PTP4A3: variants seen among roughly 807,000 people sequenced by gnomAD.
The protein encoded by PTP4A3 is protein tyrosine phosphatase 4A3, also known as protein tyrosine phosphatase type IVA 3.
PTP4A3 carries 9 observed loss-of-function variants against 15.2 expected under a neutral mutation model. The observed-to-expected ratio is 0.59, with a 90% CI of 0.36 to 1.03. The LOEUF is 1.03. PTP4A3 is among the 50% of genes least tolerant of loss of function. The probability of loss-of-function intolerance (pLI) is 0.02; values close to 1 mark genes in which losing one functional copy is unlikely to be tolerated. For synonymous variants in PTP4A3, 95 were observed against 102.0 expected, an observed-to-expected ratio of 0.93 and a Z score of 0.41; for missense variants, 234 against 252.1, an observed-to-expected ratio of 0.93 and a Z score of 0.49.
intron 1 of PTP4A3, among the ~76,000 whole-genome samples, chr8:141,400,438 C>T (rs556760762): frequency 3.3e-5 from 5 of 152,368 alleles, no homozygotes; most frequent in South Asian, 2.1e-4. Context: ...GTGCCGGCCT[C>T]GGGTGCTGTT....
chr8:141,425,257 C>G lies in PTP4A3; in HGVS notation c.198+117C>G. ...CCTCCTGTGGCAGCCCTGGGCATGT[C>G]TGTGCCTGGGCCACGTGTGTGTCTG... is the stretch of plus-strand genomic sequence containing the variant. On this transcript the variant is annotated intron_variant, in intron 3 of 5. Coordinates refer to ENST00000521578, the MANE Select transcript of PTP4A3 (RefSeq NM_032611.3). This position sits in a 1 kb window ranked among gnomAD's most constrained non-coding sequence, Gnocchi z 4.2. 1 of 1,066,608 alleles carries G rather than the reference C, an allele frequency of 9.4e-7. No homozygotes were observed. The highest frequency in any genetic ancestry group is 2.6e-5 in the East Asian group (1 of 38,750). The allele number at this position is 1,066,608 out of a possible 1,614,324, so 66.1% of individuals were successfully genotyped here. A position where few individuals can be genotyped will look rare whatever the true frequency, so the allele number is the denominator to read the frequency against.
chr8:141,392,821 G>A (rs1390186297), intron 1 of PTP4A3, among the ~76,000 whole-genome samples: 2 of 152,228 alleles, frequency 1.3e-5, no homozygotes, highest in African/African-American at 2.4e-5. Flanking sequence ...CCCTTTATGA[G>A]GGAGGCTTCC....
intron 5 of PTP4A3, among the ~76,000 whole-genome samples, 177 bp downstream of exon 5, chr8:141,428,001 ACAG>A (rs1431234817): frequency 6.6e-6 from 1 of 151,938 alleles, no homozygotes; most frequent in Admixed American, 6.6e-5. Context: ...ATGGGTGGGG[ACAG>A]CAGCCCCCGA....
chr8:141,400,101 GT>G (rs1388064509), intron 1 of PTP4A3, among the ~76,000 whole-genome samples: 3 of 152,184 alleles, frequency 2.0e-5, no homozygotes, highest in African/African-American at 7.2e-5. Context: ...ATTTCACCAT[GT>G]TAGCCGGGCT....
intron 1 of PTP4A3, chr8:141,392,694 A>G (rs1263171428): frequency 1.3e-5 from 2 of 152,234 alleles, no homozygotes; most frequent in Non-Finnish European, 2.9e-5. Context: ...TGCCTCAGGG[A>G]TTAAACGGGT....
chr8:141,394,919 G>T (rs1309959914), intron 1 of PTP4A3, among the ~76,000 whole-genome samples: 1 of 152,266 alleles, frequency 6.6e-6, no homozygotes. Context: ...AGTTGGGTGT[G>T]TGCGGTTGGG....
At chr8:141,418,143 G>A (rs1034521019) in intron 1 of PTP4A3, among the ~76,000 whole-genome samples, 5 of 152,066 alleles carry the variant, frequency 3.3e-5, no homozygotes, top group Non-Finnish European at 7.4e-5. Flanking sequence ...AGGGGGCCGC[G>A]CCCCTTACCA....
Position 141,406,471 on chromosome 8 carries a change from G to C in PTP4A3, c.-854+14387G>C, listed in dbSNP as rs1252217854. On this transcript the variant is annotated intron_variant, in intron 1 of 5. Coordinates refer to ENST00000521578, the MANE Select transcript of PTP4A3 (RefSeq NM_032611.3). This position sits in a 1 kb window ranked among gnomAD's most constrained non-coding sequence, Gnocchi z 4.5. ...TTTCCGGAGAGCAGTTCCCTGGGGT[G>C]TCCCCCTGGGAAGTCCTGCCCTCCT... Among the ~76,000 whole-genome samples, 1 of 151,700 alleles carries C rather than the reference G, an allele frequency of 6.6e-6. No homozygotes were observed. Among genetic ancestry groups the C allele is most frequent in the Non-Finnish European group, 1.5e-5 (1 of 67,890 alleles).
At chr8:141,402,881 C>T (rs9324547) in intron 1 of PTP4A3, among the ~76,000 whole-genome samples, 1 of 152,000 alleles carries the variant, frequency 6.6e-6, no homozygotes, top group East Asian at 1.9e-4. Context: ...GAGAACCGGG[C>T]CTTTGGCGGA....
intron 1 of PTP4A3, among the ~76,000 whole-genome samples, chr8:141,401,459 C>T (rs1321969596): frequency 3.3e-5 from 5 of 152,310 alleles, no homozygotes; most frequent in South Asian, 4.1e-4. Flanking sequence ...GACGTCCCCC[C>T]GGCCATGTCG....
At chr8:141,399,134 C>T (rs1293278527) in intron 1 of PTP4A3, among the ~76,000 whole-genome samples, 1 of 152,154 alleles carries the variant, frequency 6.6e-6, no homozygotes, top group Non-Finnish European at 1.5e-5. Context: ...CCTGTCACCA[C>T]CCCTCCTGTG....
At chr8:141,430,631 G>A (rs997043502) in intron 5 of PTP4A3, among the ~76,000 whole-genome samples, 1 of 152,190 alleles carries the variant, frequency 6.6e-6, no homozygotes, top group Non-Finnish European at 1.5e-5. Context: ...TCATGGCCTT[G>A]GGGTGGGTCC....
chr8:141,428,908 TCATA>T (rs1244294325), intron 5 of PTP4A3, among the ~76,000 whole-genome samples: 1 of 152,170 alleles, frequency 6.6e-6, no homozygotes, highest in Non-Finnish European at 1.5e-5. Context: ...ACGTGTGCAC[TCATA>T]CATGACATGC....
chr8:141,428,300 C>T (rs983879214), intron 5 of PTP4A3, among the ~76,000 whole-genome samples: 9 of 152,096 alleles, frequency 5.9e-5, no homozygotes, highest in African/African-American at 1.7e-4. Context: ...AGCCCCTCCC[C>T]GCCCTCCTTA....
intron 3 of PTP4A3, chr8:141,426,680 G>A: frequency 1.0e-6 from 1 of 985,192 alleles, no homozygotes; most frequent in Non-Finnish European, 1.2e-6. Context: ...TTCAGAAAGG[G>A]GTGGGGTGGT....
chr8:141,412,920 C>T (rs546558956), intron 1 of PTP4A3, among the ~76,000 whole-genome samples: 2 of 152,342 alleles, frequency 1.3e-5, no homozygotes, highest in South Asian at 4.1e-4. Context: ...CTTAGCCAGG[C>T]CCAGTGGGCT....
intron 1 of PTP4A3, among the ~76,000 whole-genome samples, chr8:141,415,156 T>C (rs1051483823): frequency 6.6e-6 from 1 of 152,004 alleles, no homozygotes; most frequent in Non-Finnish European, 1.5e-5. Flanking sequence ...CGGGGCAGGC[T>C]GCAGGGTCCG....
intron 2 of PTP4A3, among the ~76,000 whole-genome samples, chr8:141,423,536 CAG>C (rs1022889574): frequency 2.0e-5 from 3 of 149,696 alleles, no homozygotes; most frequent in African/African-American, 7.4e-5. Flanking sequence ...GGTTGAGGCT[CAG>C]TGTGTGTCCA....
chr8:141,428,032 CAG>C (rs1444805755), intron 5 of PTP4A3, among the ~76,000 whole-genome samples: 3 of 152,086 alleles, frequency 2.0e-5, no homozygotes, highest in African/African-American at 7.2e-5. Context: ...TGCAGCCACA[CAG>C]GGACACAGCG....
Sources: gnomAD v4.1 joint callset for allele counts (sites outside exome capture counted in the v4.1 genomes callset) on GRCh38, gnomAD v4.1.1 for gene constraint, Gnocchi (gnomAD v3.1) non-coding constraint, MANE v1.5 for transcripts, NCBI Gene and HGNC (gene_info 2026-07-23, HGNC 2026-07-21) for gene names.